Variants in PHLPP1 observed in about 807,000 individuals in gnomAD.
PHLPP1 encodes PH domain leucine-rich repeat-containing protein phosphatase 1.
PHLPP1 carries 42 observed loss-of-function variants against 117.2 expected under a neutral mutation model. The ratio of observed to expected loss-of-function variants is 0.36; its 90% confidence interval spans 0.28 to 0.46. The LOEUF (loss-of-function observed/expected upper bound fraction) is 0.46, where lower values mean the gene tolerates loss of function less well. Among genes scored for constraint, PHLPP1 ranks in the 20% least tolerant of loss-of-function variants. The probability of loss-of-function intolerance (pLI) is 1.00; values close to 1 mark genes in which losing one functional copy is unlikely to be tolerated. For synonymous variants in PHLPP1, 1,042 were observed against 970.7 expected, an observed-to-expected ratio of 1.07 and a Z score of -1.37; for missense variants, 2,084 against 2,241.9, an observed-to-expected ratio of 0.93 and a Z score of 1.42.
intron 4 of PHLPP1, among the ~76,000 whole-genome samples, chr18:62,880,822 A>G (rs147339433): frequency 6.6e-6 from 1 of 152,332 alleles, no homozygotes; most frequent in African/African-American, 2.4e-5. Flanking sequence ...CAGGCTTACT[A>G]TAGATCTAGC....
chr18:62,729,007 G>A (rs532191909), intron 1 of PHLPP1, among the ~76,000 whole-genome samples: 2 of 152,190 alleles, frequency 1.3e-5, no homozygotes, highest in African/African-American at 2.4e-5. Flanking sequence ...GTGATCCTGC[G>A]ACCAGTGTTC....
chr18:62,784,538 C>A lies in PHLPP1; in HGVS notation c.1577-45497C>A, dbSNP rs1913219915. On this transcript the variant is annotated intron_variant, in intron 1 of 16. Transcript: ENST00000262719. The stretch of plus-strand genomic sequence containing the variant: ...GTTTGTTCCAGTGAAGGCCAACTTG[C>A]AGTTAAGTGAGTGGTGCAAAATCAG... Among the ~76,000 whole-genome samples the A allele has an allele frequency of 1.3e-5, 2 of 152,186 alleles. 1 individual carries two copies. Among genetic ancestry groups the A allele is most frequent in the Non-Finnish European group, 2.9e-5 (2 of 68,038 alleles).
At chr18:62,762,483 G>A (rs1385211446) in intron 1 of PHLPP1, among the ~76,000 whole-genome samples, 1 of 145,986 alleles carries the variant, frequency 6.8e-6, no homozygotes, top group Non-Finnish European at 1.5e-5. Flanking sequence ...GCGCAATCTC[G>A]GCTTGCTGCA....
intron 14 of PHLPP1, among the ~76,000 whole-genome samples, chr18:62,969,897 C>T (rs919976348): frequency 6.6e-6 from 1 of 152,024 alleles, no homozygotes; most frequent in South Asian, 2.1e-4. Flanking sequence ...ATAATTAGGT[C>T]TTTTTTATTC....
At position 62,716,343 on chromosome 18, in the gene PHLPP1, C is replaced by T; in HGVS notation, c.660C>T (p.Leu220=). The T allele has an allele frequency of 1.3e-6, 2 of 1,523,814 alleles. No homozygotes were observed. The highest frequency in any genetic ancestry group is 1.8e-6 in the Non-Finnish European group (2 of 1,142,206). The allele number at this position is 1,523,814 out of a possible 1,614,324, so 94.4% of individuals were successfully genotyped here. A position where few individuals can be genotyped will look rare whatever the true frequency, so the allele number is the denominator to read the frequency against. Residue 220 remains leucine, a synonymous_variant, in exon 1 of 17, where the codon CTC becomes CTT. Coordinates refer to ENST00000262719, the MANE Select transcript of PHLPP1 (RefSeq NM_194449.4). This position sits in a 1 kb window ranked among gnomAD's most constrained non-coding sequence, Gnocchi z 5.7. ...CCTCGACCTACCTGCGCCCGGTGCT[C>T]TGCACACTGGACACCACGGCCGGCG... ...HMASTYLRPV[L]CTLDTTAGEV... is the part of the protein sequence containing the mutation.
At chr18:62,946,548 A>G (rs1470399979) in intron 12 of PHLPP1, among the ~76,000 whole-genome samples, 1 of 151,768 alleles carries the variant, frequency 6.6e-6, no homozygotes, top group African/African-American at 2.4e-5. Context: ...GATTACAAGC[A>G]TGAGCCACCA....
chr18:62,830,345 A>T, intron 2 of PHLPP1, 114 bp downstream of exon 2: 1 of 785,310 alleles, frequency 1.3e-6, no homozygotes, highest in Non-Finnish European at 2.0e-6. Flanking sequence ...AGTTCAAGCG[A>T]TTCTCCTGCC....
At chr18:62,946,639 T>TTGTGTG (rs147900391) in intron 12 of PHLPP1, among the ~76,000 whole-genome samples, 1 of 151,724 alleles carries the variant, frequency 6.6e-6, no homozygotes, top group African/African-American at 2.4e-5. Context: ...GCCATTTTGT[T>TTGTGTG]TGTGTGTGTG....
chr18:62,874,653 G>GCA lies in PHLPP1; in HGVS notation c.2066+14053_2066+14054insAC, dbSNP rs767824896. Among the ~76,000 whole-genome samples, 571 of 63,340 alleles carry GCA rather than the reference G, an allele frequency of 9.0e-3. 3 individuals carry two copies. Among genetic ancestry groups the GCA allele is most frequent in the Middle Eastern group, 0.016 (2 of 126 alleles). The allele number at this position is 63,340 out of a possible 152,430, so 41.6% of individuals were successfully genotyped here. A position where few individuals can be genotyped will look rare whatever the true frequency, so the allele number is the denominator to read the frequency against. The stretch of plus-strand genomic sequence containing the variant: ...ATCCCATCACAGGGCGCGCACGCAC[G>GCA]CGCGCACACACACACACACACACAC... On this transcript the variant is annotated intron_variant, in intron 4 of 16. Coordinates refer to ENST00000262719, the MANE Select transcript of PHLPP1 (RefSeq NM_194449.4).
intron 1 of PHLPP1, among the ~76,000 whole-genome samples, chr18:62,805,128 A>T (rs538475883): frequency 7.0e-6 from 1 of 141,964 alleles, no homozygotes; most frequent in East Asian, 2.0e-4. Flanking sequence ...TATGCACTGC[A>T]TAGGTTATAC....
In PHLPP1 at chr18:62,717,015, C is replaced by A; in HGVS notation, c.1332C>A (p.Ala444=). The A allele has an allele frequency of 2.6e-6, 4 of 1,544,600 alleles. No homozygotes were observed. The highest frequency in any genetic ancestry group is 3.5e-6 in the Non-Finnish European group (4 of 1,145,948). Residue 444 remains alanine, a synonymous_variant, in exon 1 of 17, where the codon GCC becomes GCA. Coordinates refer to ENST00000262719, the MANE Select transcript of PHLPP1 (RefSeq NM_194449.4). ...SCEEKAAAAV[A]PGGLQSTPGR... is the part of the protein sequence containing the mutation. The stretch of plus-strand genomic sequence containing the variant: ...AGGAGAAGGCAGCGGCAGCCGTGGC[C>A]CCGGGAGGCCTCCAGTCTACCCCCG...
intron 1 of PHLPP1, among the ~76,000 whole-genome samples, chr18:62,752,342 T>A (rs1911883886): frequency 6.6e-6 from 1 of 152,212 alleles, no homozygotes; most frequent in South Asian, 2.1e-4. Flanking sequence ...AGCAAACATC[T>A]AAACATTTTA....
chr18:62,761,328 G>A (rs1055194870), intron 1 of PHLPP1, among the ~76,000 whole-genome samples: 2 of 152,030 alleles, frequency 1.3e-5, no homozygotes, highest in African/African-American at 4.8e-5. Flanking sequence ...AAAAGAATAT[G>A]GTTTATTAAG....
chr18:62,896,678 C>T (rs1490313930), intron 6 of PHLPP1, among the ~76,000 whole-genome samples: 1 of 152,138 alleles, frequency 6.6e-6, no homozygotes, highest in Non-Finnish European at 1.5e-5. Flanking sequence ...GAGCTCACTG[C>T]AGCCTCAAAC....
intron 1 of PHLPP1, among the ~76,000 whole-genome samples, chr18:62,820,743 G>T (rs568815482): frequency 6.6e-6 from 1 of 152,244 alleles, no homozygotes; most frequent in African/African-American, 2.4e-5. Context: ...AAATTACCCA[G>T]TCTCAGGCAG....
intron 12 of PHLPP1, among the ~76,000 whole-genome samples, chr18:62,952,250 A>G (rs1261723350): frequency 6.6e-6 from 1 of 152,136 alleles, no homozygotes; most frequent in East Asian, 1.9e-4. Flanking sequence ...ACATGGCAAG[A>G]CCTTGTCTCT....
chr18:62,962,095 A>G (rs1278564996), intron 13 of PHLPP1, among the ~76,000 whole-genome samples: 1 of 152,174 alleles, frequency 6.6e-6, no homozygotes, highest in Non-Finnish European at 1.5e-5. Context: ...CAGATAATAC[A>G]TATACTTTTT....
At chr18:62,847,797 C>T (rs551336921) in intron 3 of PHLPP1, among the ~76,000 whole-genome samples, 8 of 152,310 alleles carry the variant, frequency 5.3e-5, no homozygotes, top group South Asian at 4.1e-4. Context: ...CACCCATGTC[C>T]GTAGGCATTT....
At chr18:62,960,212 A>G (rs1568175001) in intron 13 of PHLPP1, among the ~76,000 whole-genome samples, 1 of 152,224 alleles carries the variant, frequency 6.6e-6, no homozygotes, top group Non-Finnish European at 1.5e-5. Flanking sequence ...GCATTCTTAT[A>G]TCACACCAAA....
Sources: allele counts gnomAD v4.1 joint callset (sites outside exome capture counted in the v4.1 genomes callset), GRCh38; gene constraint gnomAD v4.1.1; non-coding constraint Gnocchi (gnomAD v3.1); transcripts MANE v1.5; gene names NCBI Gene and HGNC (gene_info 2026-07-23, HGNC 2026-07-21).